The following FHOD3 variants were observed in gnomAD, a reference collection of about 807,000 sequenced individuals.
FHOD3 encodes FH1/FH2 domain-containing protein 3.
A neutral mutation model predicts 173.0 loss-of-function variants in FHOD3; 90 were observed. That is an observed-to-expected ratio of 0.52 (90% confidence interval 0.44 to 0.62). FHOD3 has a LOEUF of 0.62. Ranked by LOEUF, FHOD3 falls within the 20% of genes least tolerant of loss-of-function variation. The pLI, the probability that FHOD3 is intolerant of heterozygous loss-of-function variation, is 0.00. For synonymous variants in FHOD3, 828 were observed against 823.0 expected, an observed-to-expected ratio of 1.01 and a Z score of -0.10; for missense variants, 1,945 against 2,034.7, an observed-to-expected ratio of 0.96 and a Z score of 0.85.
intron 8 of FHOD3, among the ~76,000 whole-genome samples, chr18:36,603,338 G>C (rs75715413): frequency 0.023 from 3,446 of 152,130 alleles, 146 homozygotes; most frequent in African/African-American, 0.079. Flanking sequence ...TCCTTTATGC[G>C]ACACGTGGAG....
chr18:36,676,885 T>C (rs959372702), intron 14 of FHOD3, among the ~76,000 whole-genome samples: 1 of 152,212 alleles, frequency 6.6e-6, no homozygotes, highest in Non-Finnish European at 1.5e-5. Flanking sequence ...GGGGTTCTTT[T>C]TGTACAATGT....
At chr18:36,556,721 A>G (rs2057901750) in intron 5 of FHOD3, among the ~76,000 whole-genome samples, 3 of 152,278 alleles carry the variant, frequency 2.0e-5, no homozygotes, top group Admixed American at 6.5e-5. Context: ...TTTTTTAAAT[A>G]AGGGGAAAAA....
At chr18:36,317,844 A>G (rs150727731) in intron 1 of FHOD3, among the ~76,000 whole-genome samples, 17,822 of 152,026 alleles carry the variant, frequency 0.12, 3,382 homozygotes, top group African/African-American at 0.4. Flanking sequence ...TTCTTCTAGG[A>G]TTTTTATGGT....
At chr18:36,761,418 A>T (rs774656847) in intron 27 of FHOD3, among the ~76,000 whole-genome samples, 2 of 152,068 alleles carry the variant, frequency 1.3e-5, no homozygotes, top group Non-Finnish European at 2.9e-5. Flanking sequence ...CTGATAACCC[A>T]TTGACCCTCC....
At chr18:36,735,399 T>A (rs1600480799) in intron 20 of FHOD3, among the ~76,000 whole-genome samples, 1 of 152,226 alleles carries the variant, frequency 6.6e-6, no homozygotes, top group Non-Finnish European at 1.5e-5. Flanking sequence ...GTGGCTTAGC[T>A]GCACTGTTAA....
intron 9 of FHOD3, among the ~76,000 whole-genome samples, chr18:36,620,060 A>G (rs1380739618): frequency 6.6e-6 from 1 of 152,204 alleles, no homozygotes; most frequent in Non-Finnish European, 1.5e-5. Flanking sequence ...CCTGAAAGTC[A>G]AATCTCATTA....
At chr18:36,770,143 A>G (rs1166294647) in intron 28 of FHOD3, among the ~76,000 whole-genome samples, 1 of 152,192 alleles carries the variant, frequency 6.6e-6, no homozygotes, top group African/African-American at 2.4e-5. Flanking sequence ...ATCTCCCTGC[A>G]TGAGCTGTGG....
chr18:36,324,005 G>A (rs1369216851), intron 1 of FHOD3, among the ~76,000 whole-genome samples: 1 of 152,256 alleles, frequency 6.6e-6, no homozygotes, highest in African/African-American at 2.4e-5. Context: ...TTTTCCCTGT[G>A]AGGAATTTGT....
intron 18 of FHOD3, among the ~76,000 whole-genome samples, chr18:36,714,833 G>T (rs1250817356): frequency 1.3e-5 from 2 of 152,174 alleles, no homozygotes; most frequent in Non-Finnish European, 2.9e-5. Context: ...CCTTGTTCTG[G>T]TGTTGAGATG....
intron 3 of FHOD3, among the ~76,000 whole-genome samples, chr18:36,464,392 G>A (rs984145359): frequency 2.0e-5 from 3 of 152,088 alleles, no homozygotes; most frequent in Non-Finnish European, 4.4e-5. Context: ...GATGTGCAGC[G>A]GGGCAGACCT....
intron 21 of FHOD3, 147 bp downstream of exon 21, chr18:36,740,985 C>A: frequency 1.4e-6 from 1 of 730,232 alleles, no homozygotes. Context: ...CGTGTGTACA[C>A]CAAGTGATCA....
Position 36,416,826 on chromosome 18 carries a change from A to T in FHOD3, c.337+44082A>T, listed in dbSNP as rs556381215. ...GCCCCTGCTCCCTTGCCTTCAAGCC[A>T]CCTCTGTGTCCTTAGAAGAGTGTAC... On this transcript the variant is annotated intron_variant, in intron 3 of 28. Transcript: ENST00000590592. Among the ~76,000 whole-genome samples, 6 of 152,112 alleles carry T rather than the reference A, an allele frequency of 3.9e-5. No individual in the cohort carries two copies. In the East Asian group the frequency reaches 1.2e-3, roughly 29 times the overall value.
intron 5 of FHOD3, among the ~76,000 whole-genome samples, chr18:36,522,100 A>G (rs1323413029): frequency 2.0e-5 from 3 of 152,172 alleles, no homozygotes; most frequent in Admixed American, 2.0e-4. Context: ...AACATACACT[A>G]TGGACCAGGA....
At chr18:36,506,694 T>C (rs1018399633) in intron 4 of FHOD3, among the ~76,000 whole-genome samples, 3 of 152,214 alleles carry the variant, frequency 2.0e-5, no homozygotes, top group African/African-American at 4.8e-5. Context: ...ATGATAACAC[T>C]GTAGAAAAAG....
At chr18:36,315,475 C>T (rs1285099959) in intron 1 of FHOD3, among the ~76,000 whole-genome samples, 5 of 151,996 alleles carry the variant, frequency 3.3e-5, no homozygotes, top group African/African-American at 4.8e-5. Context: ...ACCCAGTGTA[C>T]AGAAGTTTTT....
intron 1 of FHOD3, among the ~76,000 whole-genome samples, chr18:36,306,723 G>A (rs1040796597): frequency 2.0e-5 from 3 of 152,102 alleles, no homozygotes; most frequent in Admixed American, 1.3e-4. Flanking sequence ...GTTTACTGGT[G>A]CAGCCCAAGA....
At chr18:36,329,636 G>T (rs141130954) in intron 1 of FHOD3, among the ~76,000 whole-genome samples, 2 of 152,306 alleles carry the variant, frequency 1.3e-5, no homozygotes, top group Non-Finnish European at 2.9e-5. Flanking sequence ...GGGGGATGCA[G>T]AAAGAGGGAG....
intron 1 of FHOD3, among the ~76,000 whole-genome samples, chr18:36,329,266 T>C (rs2044849443): frequency 2.0e-5 from 3 of 152,060 alleles, no homozygotes; most frequent in Admixed American, 2.0e-4. Flanking sequence ...CACAAGCACC[T>C]CTGTCTCGTG....
At chr18:36,751,935 A>G (rs1280091545) in intron 24 of FHOD3, among the ~76,000 whole-genome samples, 1 of 152,176 alleles carries the variant, frequency 6.6e-6, no homozygotes, top group African/African-American at 2.4e-5. Flanking sequence ...TAATAAAGAC[A>G]TATCCGAGAC....
Sources: gnomAD v4.1 joint callset for allele counts (sites outside exome capture counted in the v4.1 genomes callset) on GRCh38, gnomAD v4.1.1 for gene constraint, MANE v1.5 for transcripts, NCBI Gene and HGNC (gene_info 2026-07-23, HGNC 2026-07-21) for gene names.